Variants in UBXN2A observed in about 807,000 individuals in gnomAD.
UBXN2A encodes UBX domain protein 2A, also known as UBX domain-containing protein 2A.
Under a neutral mutation model 28.4 loss-of-function variants are expected in UBXN2A, and 28 were observed. That is an observed-to-expected ratio of 0.99 (90% confidence interval 0.73 to 1.35). The LOEUF (loss-of-function observed/expected upper bound fraction) is 1.35. Ranked by LOEUF, UBXN2A falls within the 40% of genes most tolerant of loss-of-function variation. UBXN2A has a pLI of 0.00. For missense variants in UBXN2A, 253 were observed against 297.9 expected (o/e 0.85, Z 1.11); for synonymous variants, 97 against 103.6 (o/e 0.94, Z 0.39).
At chr2:23,966,774 A>ATGTTTT (rs1366269975) in intron 2 of UBXN2A, among the ~76,000 whole-genome samples, 1 of 48,136 alleles carries the variant, frequency 2.1e-5, no homozygotes, top group African/African-American at 8.2e-5. Flanking sequence ...TTTTTTTTTA[A>ATGTTTT]TGTTTTTGTT....
At chr2:23,964,648 G>C (rs1346310634) in intron 2 of UBXN2A, among the ~76,000 whole-genome samples, 2 of 152,176 alleles carry the variant, frequency 1.3e-5, no homozygotes, top group Admixed American at 1.3e-4. Flanking sequence ...TTTCAGTTAA[G>C]CAAGATGAAT....
At chr2:23,960,080 G>A (rs1573557175) in intron 2 of UBXN2A, among the ~76,000 whole-genome samples, 1 of 151,930 alleles carries the variant, frequency 6.6e-6, no homozygotes, top group South Asian at 2.1e-4. Context: ...GTGAAACCCC[G>A]TCTCTACTAA....
rs1708768613 is a variant in UBXN2A at position 24,004,707 on chromosome 2, G to A, written c.*4840G>A. ...TAATGTTACAGATTGTGGTTTATTG[G>A]TTAATTACTATGCATTTTTTTCAGT... On this transcript the variant is annotated 3_prime_UTR_variant, in exon 7 of 7. Coordinates refer to ENST00000309033, the MANE Select transcript of UBXN2A (RefSeq NM_181713.4). 1 of 152,120 alleles carries A rather than the reference G, an allele frequency of 6.6e-6. No individual in the cohort carries two copies. Among genetic ancestry groups the A allele is most frequent in the African/African-American group, 2.4e-5 (1 of 41,430 alleles). The allele number at this position is 152,120 out of a possible 1,614,324, so 9.4% of individuals were successfully genotyped here.
upstream of UBXN2A, among the ~76,000 whole-genome samples, chr2:23,939,097 TACAA>T (rs1319077673): frequency 6.6e-6 from 1 of 152,090 alleles, no homozygotes; most frequent in African/African-American, 2.4e-5. Flanking sequence ...ACTAAAGACT[TACAA>T]ATAAATCCCG....
intron 5 of UBXN2A, among the ~76,000 whole-genome samples, chr2:23,983,972 A>G (rs765501432): frequency 2.6e-4 from 40 of 152,258 alleles, no homozygotes; most frequent in Non-Finnish European, 4.7e-4. Context: ...CACCGCACCC[A>G]GCCTATTGTT....
At chr2:23,958,412 T>A in intron 2 of UBXN2A, 57 bp downstream of exon 2, 1 of 1,487,254 alleles carries the variant, frequency 6.7e-7, no homozygotes, top group Non-Finnish European at 9.1e-7. Context: ...TCGTCCTGTA[T>A]TTTTATTACA....
At position 23,990,080 on chromosome 2, in the gene UBXN2A, C is replaced by T. The variant is rs1708296049; in HGVS notation, c.584+5249C>T. Among the ~76,000 whole-genome samples, 3 of 152,186 alleles carry T rather than the reference C, an allele frequency of 2.0e-5. 1 individual carries two copies. In the South Asian group the frequency reaches 6.2e-4, roughly 32 times the overall value. ...TCCTACCCCACATGTAAGCCTTCCTCACACTGCTTGGGCTTTGACTCTCCT... is the reference window on the plus strand; with the variant it reads ...TCCTACCCCACATGTAAGCCTTCCTTACACTGCTTGGGCTTTGACTCTCCT... On this transcript the variant is annotated intron_variant, in intron 6 of 6. Transcript: ENST00000309033.
chr2:23,958,054 T>C lies in UBXN2A; in HGVS notation c.-14-247T>C, dbSNP rs75460590. 2.5e-3 allele frequency among the ~76,000 whole-genome samples: 380 copies of C among 152,346 alleles called. 2 individuals are homozygous for C. Among genetic ancestry groups the C allele is most frequent in the Non-Finnish European group, 4.0e-3 (274 of 68,034 alleles). ...GGTGTGAGGCACATGCCCAGTTCAT[T>C]TGTTAAGTCAAATGGTATATTATAC... On this transcript the variant is annotated intron_variant, in intron 1 of 6. Coordinates refer to ENST00000309033, the MANE Select transcript of UBXN2A (RefSeq NM_181713.4).
chr2:23,980,134 C>G (rs902310160), intron 4 of UBXN2A, among the ~76,000 whole-genome samples: 1 of 152,156 alleles, frequency 6.6e-6, no homozygotes, highest in Non-Finnish European at 1.5e-5. Context: ...CCATTTTCCC[C>G]TGCAGCCCTA....
chr2:23,990,683 A>G (rs1271391918), intron 6 of UBXN2A, among the ~76,000 whole-genome samples: 1 of 151,792 alleles, frequency 6.6e-6, no homozygotes, highest in African/African-American at 2.4e-5. Flanking sequence ...CTGAAGCAGG[A>G]GAATGGCTTG....
At chr2:23,985,981 T>C (rs1708112119) in intron 6 of UBXN2A, among the ~76,000 whole-genome samples, 1 of 151,920 alleles carries the variant, frequency 6.6e-6, no homozygotes, top group South Asian at 2.1e-4. Flanking sequence ...ATTGAGACCC[T>C]GTCTCAAAAA....
intron 4 of UBXN2A, among the ~76,000 whole-genome samples, chr2:23,978,878 GC>G (rs1707783773): frequency 6.6e-6 from 1 of 151,284 alleles, no homozygotes; most frequent in Non-Finnish European, 1.5e-5. Context: ...CAGGAGAATT[GC>G]TTGAACCCAG....
At chr2:23,991,560 C>A (rs1198638565) in intron 6 of UBXN2A, among the ~76,000 whole-genome samples, 1 of 151,176 alleles carries the variant, frequency 6.6e-6, no homozygotes, top group East Asian at 1.9e-4. Flanking sequence ...CTTCTGCCTC[C>A]CAGGTTCAAG....
intron 1 of UBXN2A, among the ~76,000 whole-genome samples, chr2:23,945,065 T>C (rs1471555737): frequency 6.6e-6 from 1 of 152,080 alleles, no homozygotes; most frequent in African/African-American, 2.4e-5. Context: ...TGAAACTGAA[T>C]TAAAATACTT....
chr2:23,998,956 A>G (rs949004800), intron 6 of UBXN2A, among the ~76,000 whole-genome samples: 1 of 151,938 alleles, frequency 6.6e-6, no homozygotes, highest in African/African-American at 2.4e-5. Flanking sequence ...TTTTATATTT[A>G]TGTTCTTTGA....
intron 4 of UBXN2A, among the ~76,000 whole-genome samples, chr2:23,980,433 T>C (rs961417162): frequency 2.6e-5 from 4 of 152,312 alleles, no homozygotes; most frequent in African/African-American, 9.6e-5. Flanking sequence ...TTTTTCCACA[T>C]CCTAACACAT....
intron 1 of UBXN2A, among the ~76,000 whole-genome samples, chr2:23,928,210 GAAGA>G (rs576905950): frequency 1.6e-4 from 24 of 150,124 alleles, no homozygotes; most frequent in African/African-American, 5.4e-4. Flanking sequence ...AGAGAGAAAG[GAAGA>G]AAGAAAGGAA....
Position 23,999,985 on chromosome 2 carries a change from A to G in UBXN2A, c.*118A>G. On this transcript the variant is annotated 3_prime_UTR_variant, in exon 7 of 7. Coordinates refer to ENST00000309033, the MANE Select transcript of UBXN2A (RefSeq NM_181713.4). ...TAGACTTTTGGTTCGAGTACTATTG[A>G]ACTCTCTCCTGATGAGAAGATGTTT... 2 of 924,258 alleles carry G rather than the reference A, an allele frequency of 2.2e-6. No individual in the cohort carries two copies. The highest frequency in any genetic ancestry group is 2.6e-5 in the East Asian group (1 of 39,144). The allele number at this position is 924,258 out of a possible 1,614,324, so 57.3% of individuals were successfully genotyped here.
rs560076418 is a variant in UBXN2A at position 23,980,642 on chromosome 2, T to G, written c.288-2254T>G. Among the ~76,000 whole-genome samples, 12 of 152,210 alleles carry G rather than the reference T, an allele frequency of 7.9e-5. 1 individual carries two copies. The South Asian group carries it at 2.5e-3, about 32-fold the overall frequency. On this transcript the variant is annotated intron_variant, in intron 4 of 6. Transcript: ENST00000309033. ...TTTTTATTTGTTTGTTTGTTTGTTT[T>G]TTTGAGACAGAGTCTTGCTCTGTCG...
Sources: allele counts gnomAD v4.1 joint callset (sites outside exome capture counted in the v4.1 genomes callset), GRCh38; gene constraint gnomAD v4.1.1; transcripts MANE v1.5; gene names NCBI Gene and HGNC (gene_info 2026-07-23, HGNC 2026-07-21).